ADAMTS2: variants seen among roughly 807,000 people sequenced by gnomAD.
ADAMTS2 encodes A disintegrin and metalloproteinase with thrombospondin motifs 2.
ADAMTS2 carries 50 observed loss-of-function variants against 123.0 expected under a neutral mutation model. The ratio of observed to expected loss-of-function variants is 0.41; its 90% CI spans 0.32 to 0.51. The LOEUF is 0.51. ADAMTS2 is among the 20% of genes least tolerant of loss of function. The pLI is 0.35. For synonymous variants in ADAMTS2, 678 were observed against 695.4 expected (o/e 0.98, Z 0.39); for missense variants, 1,494 against 1,705.2 (o/e 0.88, Z 2.18).
intron 2 of ADAMTS2, among the ~76,000 whole-genome samples, chr5:179,335,716 C>A (rs1016176052): frequency 1.3e-5 from 2 of 152,188 alleles, no homozygotes; most frequent in African/African-American, 4.8e-5. Context: ...GAAGCTCTGT[C>A]CCAATCAGAA....
chr5:179,183,185 T>C (rs1764086953), intron 4 of ADAMTS2, among the ~76,000 whole-genome samples: 1 of 152,174 alleles, frequency 6.6e-6, no homozygotes, highest in South Asian at 2.1e-4. Context: ...TCAGACTAGA[T>C]TGTTTAGTCC....
chr5:179,286,194 A>C (rs1355052910), intron 2 of ADAMTS2, among the ~76,000 whole-genome samples: 2 of 142,614 alleles, frequency 1.4e-5, no homozygotes, highest in East Asian at 4.2e-4. Flanking sequence ...AGCTTGGGCT[A>C]CAGAGTGAGA....
At chr5:179,122,908 G>A (rs1290187599) in intron 19 of ADAMTS2, 135 bp from the exon 20 acceptor site, 12 of 1,403,456 alleles carry the variant, frequency 8.6e-6, no homozygotes, top group South Asian at 1.3e-5. Flanking sequence ...GGAGAGTGGG[G>A]TTTCAGGTTG....
intron 3 of ADAMTS2, among the ~76,000 whole-genome samples, chr5:179,217,364 G>A (rs1028283791): frequency 6.6e-6 from 1 of 152,222 alleles, no homozygotes; most frequent in African/African-American, 2.4e-5. Context: ...GAAAGGATAC[G>A]GTTTGATCAC....
chr5:179,139,782 G>T, intron 11 of ADAMTS2, 108 bp downstream of exon 11: 1 of 1,531,928 alleles, frequency 6.5e-7, no homozygotes, highest in Non-Finnish European at 8.9e-7. Flanking sequence ...CACCTCTCCA[G>T]AACTGGTGTG....
intron 5 of ADAMTS2, among the ~76,000 whole-genome samples, chr5:179,168,656 T>G (rs1453113088): frequency 1.3e-5 from 2 of 152,186 alleles, no homozygotes; most frequent in Non-Finnish European, 2.9e-5. Flanking sequence ...TGGGGGAAAC[T>G]AAGGCCCCAT....
At chr5:179,279,940 C>T (rs1766844034) in intron 2 of ADAMTS2, among the ~76,000 whole-genome samples, 1 of 152,256 alleles carries the variant, frequency 6.6e-6, no homozygotes, top group Non-Finnish European at 1.5e-5. Flanking sequence ...TCCACCAGCT[C>T]CTCCTCTGTC....
At chr5:179,131,180 G>A (rs1462686650) in intron 15 of ADAMTS2, among the ~76,000 whole-genome samples, 1 of 151,778 alleles carries the variant, frequency 6.6e-6, no homozygotes, top group East Asian at 2.0e-4. Context: ...GGGCATGGTG[G>A]CACACGCCTG....
At chr5:179,265,421 G>A (rs1048851823) in intron 3 of ADAMTS2, among the ~76,000 whole-genome samples, 10 of 152,188 alleles carry the variant, frequency 6.6e-5, no homozygotes, top group East Asian at 1.9e-4. Context: ...GCTGTCAGGC[G>A]GAGTGCCAGG....
At chr5:179,267,956 G>A (rs1373199192) in intron 3 of ADAMTS2, among the ~76,000 whole-genome samples, 1 of 152,226 alleles carries the variant, frequency 6.6e-6, no homozygotes, top group East Asian at 1.9e-4. Context: ...CTCGTACCCG[G>A]GTCGGCCTGG....
chr5:179,205,920 C>T (rs901701003), intron 4 of ADAMTS2, among the ~76,000 whole-genome samples: 14 of 151,854 alleles, frequency 9.2e-5, no homozygotes, highest in East Asian at 3.9e-4. Flanking sequence ...TACAGGCGCC[C>T]GCCACCACGC....
intron 10 of ADAMTS2, among the ~76,000 whole-genome samples, chr5:179,150,586 G>A (rs1313033300): frequency 6.6e-6 from 1 of 152,220 alleles, no homozygotes; most frequent in Admixed American, 6.5e-5. Context: ...AGGTTATTCA[G>A]CGATCGAGAG....
At chr5:179,269,106 G>A (rs1476467734) in intron 3 of ADAMTS2, among the ~76,000 whole-genome samples, 3 of 152,164 alleles carry the variant, frequency 2.0e-5, no homozygotes, top group South Asian at 2.1e-4. Flanking sequence ...AGGAGGGGGC[G>A]ACATGACCCG....
intron 2 of ADAMTS2, among the ~76,000 whole-genome samples, chr5:179,327,934 G>A (rs890232532): frequency 5.9e-5 from 9 of 152,176 alleles, no homozygotes; most frequent in Non-Finnish European, 1.0e-4. Flanking sequence ...ATAATAACAA[G>A]GAAGTTCATA....
intron 1 of ADAMTS2, among the ~76,000 whole-genome samples, chr5:179,344,432 T>A (rs1309083477): frequency 6.6e-6 from 1 of 152,090 alleles, no homozygotes; most frequent in Non-Finnish European, 1.5e-5. Flanking sequence ...CCTGCCCCGT[T>A]CAGGGTTGGG....
At chr5:179,238,961 G>T (rs1055448877) in intron 3 of ADAMTS2, among the ~76,000 whole-genome samples, 7 of 152,152 alleles carry the variant, frequency 4.6e-5, no homozygotes, top group Admixed American at 6.5e-5. Context: ...GTGGATGAAT[G>T]GTTGCCTGGA....
chr5:179,213,147 G>A (rs559434934), intron 3 of ADAMTS2, among the ~76,000 whole-genome samples: 1 of 152,214 alleles, frequency 6.6e-6, no homozygotes, highest in East Asian at 1.9e-4. Context: ...TCAGTGACAC[G>A]GCCGACTGCT....
rs1765485405 is a variant in ADAMTS2, at chr5:179,234,652, C to G, written c.689-26937G>C. 8.5e-5 allele frequency among the ~76,000 whole-genome samples: 13 copies of G among 152,156 alleles called. No individual in the cohort carries two copies. Among genetic ancestry groups the G allele is most frequent in the Admixed American group, 8.5e-4 (13 of 15,276 alleles). On this transcript the variant is annotated intron_variant, in intron 3 of 21. Transcript: ENST00000251582. This position sits in a 1 kb window ranked among gnomAD's most constrained non-coding sequence, Gnocchi z 4.7. ...CCTGTCACCTTTCCCTACCCCAACC[C>G]ATCAGCCATTGCTGCTGTGCCCATC...
At position 179,246,790 on chromosome 5, in the gene ADAMTS2, G is replaced by A. The variant is rs73333205; in HGVS notation, c.688+26121C>T. On this transcript the variant is annotated intron_variant, in intron 3 of 21. Coordinates refer to ENST00000251582, the MANE Select transcript of ADAMTS2 (RefSeq NM_014244.5). ...GAAAGTCTCTGTCAAATCACTAGCTGACCACTAAGCTAACAAAACAGAGAC... is the reference window on the plus strand; with the variant it reads ...GAAAGTCTCTGTCAAATCACTAGCTAACCACTAAGCTAACAAAACAGAGAC... 5.3e-3 allele frequency among the ~76,000 whole-genome samples: 814 copies of A among 152,272 alleles called. 6 individuals are homozygous for A. Among genetic ancestry groups the A allele is most frequent in the African/African-American group, 0.019 (774 of 41,552 alleles).
Sources: gnomAD v4.1 joint callset for allele counts (sites outside exome capture counted in the v4.1 genomes callset) on GRCh38, gnomAD v4.1.1 for gene constraint, Gnocchi (gnomAD v3.1) non-coding constraint, MANE v1.5 for transcripts, NCBI Gene and HGNC (gene_info 2026-07-23, HGNC 2026-07-21) for gene names.